CLVS1: variants seen among roughly 807,000 people sequenced by gnomAD.
The protein encoded by CLVS1 is clavesin 1, also known as clavesin-1.
CLVS1 carries 10 observed loss-of-function variants against 33.1 expected under a neutral mutation model. That is an observed-to-expected ratio of 0.30 (90% CI 0.19 to 0.51). The LOEUF (loss-of-function observed/expected upper bound fraction) is 0.51. Among genes scored for constraint, CLVS1 ranks in the 20% least tolerant of loss-of-function variants. The pLI, the probability that CLVS1 is intolerant of heterozygous loss-of-function variation, is 0.97. For missense variants in CLVS1, 343 were observed against 433.4 expected (o/e 0.79, Z 1.85); for synonymous variants, 163 against 166.1 (o/e 0.98, Z 0.14).
At chr8:61,310,477 T>C (rs1246382131) in intron 2 of CLVS1, among the ~76,000 whole-genome samples, 2 of 152,164 alleles carry the variant, frequency 1.3e-5, no homozygotes, top group Non-Finnish European at 2.9e-5. Flanking sequence ...CTGGAACTCA[T>C]TCACCAAATC....
chr8:61,415,154 A>G lies in CLVS1; in HGVS notation c.630+38375A>G, dbSNP rs1815381292. Among the ~76,000 whole-genome samples the G allele has an allele frequency of 2.6e-5, 4 of 152,282 alleles. No individual in the cohort carries two copies. The South Asian group carries it at 8.3e-4, about 32-fold the overall frequency. On this transcript the variant is annotated intron_variant, in intron 3 of 5. Coordinates refer to ENST00000325897, the MANE Select transcript of CLVS1 (RefSeq NM_173519.3). ...TTCTGAGACCTTTTCCCCTCAAAAC[A>G]CTTCTCTCTGTTTTTCTCTACTCTC...
chr8:61,429,287 G>T (rs565947251), intron 3 of CLVS1, among the ~76,000 whole-genome samples: 114 of 152,172 alleles, frequency 7.5e-4, no homozygotes, highest in African/African-American at 2.6e-3. Context: ...GGGCGTGGTT[G>T]CTCATGCCTG....
At chr8:61,420,985 GAAAC>G (rs1815640108) in intron 3 of CLVS1, among the ~76,000 whole-genome samples, 1 of 152,112 alleles carries the variant, frequency 6.6e-6, no homozygotes, top group Non-Finnish European at 1.5e-5. Flanking sequence ...AACAAACAAA[GAAAC>G]AAACAAAAAT....
At chr8:61,288,527 C>A (rs1809859789) in intron 1 of CLVS1, among the ~76,000 whole-genome samples, 1 of 152,052 alleles carries the variant, frequency 6.6e-6, no homozygotes, top group Non-Finnish European at 1.5e-5. Context: ...GTGAACAAAC[C>A]CCTGAAAACA....
intron 2 of CLVS1, among the ~76,000 whole-genome samples, chr8:61,333,266 A>G (rs1053383612): frequency 6.6e-6 from 1 of 152,350 alleles, no homozygotes; most frequent in African/African-American, 2.4e-5. Flanking sequence ...GCAAATAGGT[A>G]AACACCATAG....
chr8:61,228,200 TA>T (rs1808368700), intron 2 of CLVS1, among the ~76,000 whole-genome samples: 2 of 152,178 alleles, frequency 1.3e-5, no homozygotes, highest in South Asian at 2.1e-4. Context: ...AATTGACAAG[TA>T]AAAAATATAT....
intron 3 of CLVS1, among the ~76,000 whole-genome samples, chr8:61,407,554 T>A (rs572847938): frequency 6.6e-6 from 1 of 152,244 alleles, no homozygotes; most frequent in Non-Finnish European, 1.5e-5. Flanking sequence ...CATTTCATTG[T>A]GGGTGACAAC....
At chr8:60,965,378 T>A in the CLVS1 span, 23,445 of 152,288 alleles carry the variant, frequency 0.15, 1,857 homozygotes, top group South Asian at 0.2. Context: ...TGTTTTTCTG[T>A]CTTGGTGTCT....
chr8:61,455,274 C>T (rs939733109), intron 4 of CLVS1, among the ~76,000 whole-genome samples: 3 of 151,810 alleles, frequency 2.0e-5, no homozygotes, highest in Admixed American at 6.6e-5. Context: ...TTACTTATTA[C>T]AGTATCCATA....
intron 3 of CLVS1, among the ~76,000 whole-genome samples, chr8:61,398,742 C>T (rs376189733): frequency 6.6e-6 from 1 of 152,084 alleles, no homozygotes; most frequent in African/African-American, 2.4e-5. Flanking sequence ...ATGTTGTTCC[C>T]CACTTGTATT....
chr8:61,153,848 T>G (rs1009180839), intron 2 of CLVS1, among the ~76,000 whole-genome samples: 1 of 152,188 alleles, frequency 6.6e-6, no homozygotes, highest in African/African-American at 2.4e-5. Flanking sequence ...TTAGGCCACC[T>G]GGCAGGCCTG....
intron 2 of CLVS1, among the ~76,000 whole-genome samples, chr8:61,253,468 G>A (rs1808997362): frequency 6.6e-6 from 1 of 152,160 alleles, no homozygotes; most frequent in Non-Finnish European, 1.5e-5. Flanking sequence ...ATGTTGGCCT[G>A]CCTTTCTAGA....
At chr8:61,135,314 A>G (rs1806174179) in intron 2 of CLVS1, among the ~76,000 whole-genome samples, 1 of 152,056 alleles carries the variant, frequency 6.6e-6, no homozygotes, top group Admixed American at 6.5e-5. Flanking sequence ...TGTCTGGGGA[A>G]CAAGAGTGGA....
chr8:61,263,679 G>A (rs1463029755), intron 2 of CLVS1, among the ~76,000 whole-genome samples: 1 of 152,132 alleles, frequency 6.6e-6, no homozygotes, highest in Non-Finnish European at 1.5e-5. Flanking sequence ...AGCAGGCATG[G>A]CATTGCAGAA....
chr8:61,135,968 C>T (rs866638718), intron 2 of CLVS1, among the ~76,000 whole-genome samples: 1 of 152,260 alleles, frequency 6.6e-6, no homozygotes, highest in African/African-American at 2.4e-5. Context: ...TGCTCTAGAG[C>T]AGCCGCTCTG....
intron 2 of CLVS1, among the ~76,000 whole-genome samples, chr8:61,210,286 G>C (rs1401754821): frequency 6.6e-6 from 1 of 152,226 alleles, no homozygotes; most frequent in Non-Finnish European, 1.5e-5. Flanking sequence ...CCTGCCATGT[G>C]AGGACATATA....
chr8:61,403,941 A>G (rs1314089129), intron 3 of CLVS1, among the ~76,000 whole-genome samples: 2 of 152,240 alleles, frequency 1.3e-5, no homozygotes, highest in Non-Finnish European at 2.9e-5. Context: ...TGAAGTGGGC[A>G]TTGAACAGTA....
chr8:61,406,928 G>T (rs1815015837), intron 3 of CLVS1, among the ~76,000 whole-genome samples: 2 of 152,134 alleles, frequency 1.3e-5, no homozygotes, highest in Non-Finnish European at 2.9e-5. Context: ...TTCTTTCTAG[G>T]TAAAATTGTC....
At chr8:61,335,726 G>A (rs1042893358) in intron 2 of CLVS1, among the ~76,000 whole-genome samples, 2 of 152,146 alleles carry the variant, frequency 1.3e-5, no homozygotes, top group Admixed American at 6.5e-5. Flanking sequence ...GCATCAAAAA[G>A]TGTCAAACTC....
Sources: gnomAD v4.1 joint callset for allele counts (sites outside exome capture counted in the v4.1 genomes callset) on GRCh38, gnomAD v4.1.1 for gene constraint, MANE v1.5 for transcripts, NCBI Gene and HGNC (gene_info 2026-07-23, HGNC 2026-07-21) for gene names.